Variants in DNAH10 observed in about 807,000 individuals in gnomAD.
DNAH10 encodes the protein dynein axonemal heavy chain 10, also known as axonemal beta dynein heavy chain 10.
In DNAH10, 348 loss-of-function variants were observed where a neutral mutation model predicts 506.6. The observed-to-expected ratio is 0.69, with a 90% CI of 0.63 to 0.75. DNAH10 has a LOEUF of 0.75. Among genes scored for constraint, DNAH10 ranks in the 30% least tolerant of loss-of-function variants. DNAH10 has a pLI of 0.00. For synonymous variants in DNAH10, 2,059 were observed against 2,198.6 expected (o/e 0.94, Z 1.78); for missense variants, 5,179 against 5,787.1 (o/e 0.89, Z 3.41).
intron 5 of DNAH10, among the ~76,000 whole-genome samples, chr12:123,778,277 A>G (rs1957517676): frequency 6.6e-6 from 1 of 152,174 alleles, no homozygotes; most frequent in Non-Finnish European, 1.5e-5. Context: ...GGTTATATGC[A>G]TTATGACAAC....
rs917079901 is a variant in DNAH10, at chr12:123,926,469, A to C, written c.11922-168A>C. On this transcript the variant is annotated intron_variant, in intron 68 of 78. Coordinates refer to ENST00000673944, the MANE Select transcript of DNAH10 (RefSeq NM_001372106.1). This position sits in a 1 kb window ranked among gnomAD's most constrained non-coding sequence, Gnocchi z 4.1. ...CAGGAGTTCCCCATCAGGGTGGGAG[A>C]CGTGCATAGAAACTAGAATCTAAAA... The C allele has an allele frequency of 2.1e-5, 14 of 655,588 alleles. No individual in the cohort carries two copies. Among genetic ancestry groups the C allele is most frequent in the African/African-American group, 5.5e-5 (3 of 54,086 alleles). The allele number at this position is 655,588 out of a possible 1,614,324, so 40.6% of individuals were successfully genotyped here.
rs56096831 is a variant in DNAH10, at chr12:123,845,985, G to C, written c.5645G>C (p.Arg1882Pro). The C allele has an allele frequency of 1.2e-6, 2 of 1,613,866 alleles. No individual in the cohort carries two copies. Among genetic ancestry groups the C allele is most frequent in the African/African-American group, 1.3e-5 (1 of 74,906 alleles). The stretch of plus-strand genomic sequence containing the variant: ...TTGCCGTCCAGTATCCTGGAGGCCC[G>C]AGAGTTTGACTGGGAAAGTCAGTTG... ...SFIRGSILEA[R>P]EFDWESQLRF... is the part of the protein sequence containing the mutation. The change falls in exon 32 of 79, where the codon CGA becomes CCA. Residue 1882 changes from arginine (R) to proline (P), a missense_variant. Around this residue, in one of 3 missense-constraint regions of DNAH10, gnomAD observed 4,844 missense variants for 5,430.5 expected, o/e 0.89. Transcript: ENST00000673944.
chr12:123,823,881 G>A (rs1456678779), intron 24 of DNAH10, among the ~76,000 whole-genome samples: 1 of 151,850 alleles, frequency 6.6e-6, no homozygotes, highest in African/African-American at 2.4e-5. Context: ...AGCAAAATAA[G>A]CATTTTTAAA....
At chr12:123,793,857 G>A in intron 11 of DNAH10, 85 bp from the exon 12 acceptor site, 2 of 1,053,278 alleles carry the variant, frequency 1.9e-6, no homozygotes, top group Non-Finnish European at 2.4e-6. Flanking sequence ...CCAAACCACT[G>A]ATTTTTTTTT....
chr12:123,924,910 C>A, intron 67 of DNAH10, 140 bp from the exon 68 acceptor site: 3 of 1,097,534 alleles, frequency 2.7e-6, no homozygotes, highest in Non-Finnish European at 3.9e-6. Flanking sequence ...TAGAGAATGA[C>A]AGATCTGACC....
Position 123,826,790 on chromosome 12 carries a change from G to T in DNAH10, c.4283G>T (p.Arg1428Leu). The T allele has an allele frequency of 6.2e-7, 1 of 1,613,910 alleles. No homozygotes were observed. The highest frequency in any genetic ancestry group is 8.5e-7 in the Non-Finnish European group (1 of 1,179,864). Residue 1428 changes from arginine (R) to leucine (L), a missense_variant, in exon 25 of 79, where the codon CGG (arginine) becomes CTG (leucine). By Grantham distance (102) the Arg-to-Leu change is moderately radical. This residue lies in a region of DNAH10 where 4,844 missense variants were observed against 5,430.5 expected (regional missense o/e 0.89). Transcript: ENST00000673944. ...GFLRALRKLP[R>L]PVRGLSVTYY... ...CTCAGGGCTCTCAGAAAGCTACCTC[G>T]GCCAGTCCGTGGCTTATCAGTGACC...
Position 123,909,326 on chromosome 12 carries a change from A to T in DNAH10, c.9881A>T (p.Tyr3294Phe), listed in dbSNP as rs771162789. 1.2e-6 allele frequency: 2 copies of T among 1,613,464 alleles called. No individual in the cohort carries two copies. Among genetic ancestry groups the T allele is most frequent in the Non-Finnish European group, 1.7e-6 (2 of 1,179,728 alleles). Residue 3294 changes from tyrosine (Y) to phenylalanine (F), a missense_variant, in exon 58 of 79, where the codon TAC (tyrosine) becomes TTC (phenylalanine). By Grantham distance (22) the Tyr-to-Phe change is conservative. Around this residue, in one of 3 missense-constraint regions of DNAH10, gnomAD observed 4,844 missense variants for 5,430.5 expected, o/e 0.89. Coordinates refer to ENST00000673944, the MANE Select transcript of DNAH10 (RefSeq NM_001372106.1). This position sits in a 1 kb window ranked among gnomAD's most constrained non-coding sequence, Gnocchi z 5.4. ...VCECILIMKG[Y>F]KELNWKTAKG... ...GAATGCATCCTCATCATGAAAGGGT[A>T]CAAAGAGCTGAACTGGAAAACAGCC... is the stretch of plus-strand genomic sequence containing the variant.
At position 123,787,701 on chromosome 12, in the gene DNAH10, G is replaced by A; in HGVS notation, c.1422-103G>A. On this transcript the variant is annotated intron_variant, in intron 9 of 78. Transcript: ENST00000673944. This position sits in a 1 kb window ranked among gnomAD's most constrained non-coding sequence, Gnocchi z 4.6. ...ATGAGGCCGTGAAACCAGGGGGGGC[G>A]CCCGGGTCAGAGCTTCACGGGACAC... is the stretch of plus-strand genomic sequence containing the variant. The A allele has an allele frequency of 2.9e-6, 4 of 1,389,544 alleles. No individual in the cohort carries two copies. The highest frequency in any genetic ancestry group is 3.0e-6 in the Non-Finnish European group (3 of 1,012,792). 86.1% of individuals were successfully genotyped at this position (1,389,544 alleles called of 1,614,324 possible).
chr12:123,783,387 A>G, intron 7 of DNAH10, 123 bp downstream of exon 7: 1 of 1,198,738 alleles, frequency 8.3e-7, no homozygotes, highest in East Asian at 2.5e-5. Context: ...GACTTCCTTA[A>G]GCCATCAAAA....
In DNAH10 at chr12:123,909,347, C is replaced by T. The variant is rs763415273; in HGVS notation, c.9902C>T (p.Thr3301Ile). Residue 3301 changes from threonine to isoleucine, a missense_variant, in exon 58 of 79, where the codon ACA becomes ATA. This residue lies in a region of DNAH10 where 4,844 missense variants were observed against 5,430.5 expected (regional missense o/e 0.89). Transcript: ENST00000673944. The surrounding 1 kb of genome is among the most constrained non-coding windows in gnomAD (Gnocchi z 5.4). ...MKGYKELNWK[T>I]AKGVMSDPNF... ...GGGTACAAAGAGCTGAACTGGAAAA[C>T]AGCCAAGGGCGTGATGTCCGACCCG... is the stretch of plus-strand genomic sequence containing the variant. 6.2e-7 allele frequency: 1 copy of T among 1,612,836 alleles called. No individual in the cohort carries two copies. Among genetic ancestry groups the T allele is most frequent in the Non-Finnish European group, 8.5e-7 (1 of 1,179,456 alleles).
rs1005661083 is a variant in DNAH10, at chr12:123,853,853, C to T, written c.6438+501C>T. On this transcript the variant is annotated intron_variant, in intron 36 of 78. Transcript: ENST00000673944. This position sits in a 1 kb window ranked among gnomAD's most constrained non-coding sequence, Gnocchi z 4.7. ...ACACACACGCACACGCACGGACACA[C>T]GCACGCGCACACACACACGGATACA... 3.0e-5 allele frequency among the ~76,000 whole-genome samples: 4 copies of T among 134,632 alleles called. No individual in the cohort carries two copies. Among genetic ancestry groups the T allele is most frequent in the African/African-American group, 5.3e-5 (2 of 37,876 alleles). 88.3% of individuals were successfully genotyped at this position (134,632 alleles called of 152,430 possible).
At chr12:123,912,786 T>C (rs1954286998) in intron 59 of DNAH10, among the ~76,000 whole-genome samples, 1 of 152,228 alleles carries the variant, frequency 6.6e-6, no homozygotes, top group Non-Finnish European at 1.5e-5. Flanking sequence ...ATAGAAATAC[T>C]GTTACTGTCT....
intron 16 of DNAH10, among the ~76,000 whole-genome samples, chr12:123,802,280 G>A (rs190013652): frequency 3.8e-4 from 58 of 152,282 alleles, no homozygotes; most frequent in Admixed American, 1.4e-3. Context: ...TGAGTTGCAC[G>A]GTAGTTGCAT....
At position 123,846,087 on chromosome 12, in the gene DNAH10, A is replaced by C; in HGVS notation, c.5747A>C (p.Tyr1916Ser). ...CTGTFGYGYE[Y>S]MGLNGRLVIT... ...GGAACCTTTGGCTACGGCTACGAGT[A>C]CATGGGCCTGAACGGCAGGCTGGTC... Residue 1916 changes from tyrosine to serine, a missense_variant, in exon 32 of 79, where the codon TAC becomes TCC. Tyr to Ser is a moderately radical substitution (Grantham distance 144). Around this residue, in one of 3 missense-constraint regions of DNAH10, gnomAD observed 4,844 missense variants for 5,430.5 expected, o/e 0.89. Transcript: ENST00000673944. This position sits in a 1 kb window ranked among gnomAD's most constrained non-coding sequence, Gnocchi z 4.5. 2 of 1,614,006 alleles carry C rather than the reference A, an allele frequency of 1.2e-6. No individual in the cohort carries two copies. The highest frequency in any genetic ancestry group is 1.7e-6 in the Non-Finnish European group (2 of 1,179,896).
At chr12:123,878,719 A>T (rs943922101) in intron 48 of DNAH10, among the ~76,000 whole-genome samples, 2 of 152,162 alleles carry the variant, frequency 1.3e-5, no homozygotes, top group African/African-American at 4.8e-5. Flanking sequence ...CAGCATAGTG[A>T]GACTCCATCT....
rs780715968 is a variant in DNAH10, at chr12:123,850,878, T to TCAAACTGGAGG, written c.6103-10_6103-9insCAAACTGGAGG. On this transcript the variant is annotated splice_polypyrimidine_tract_variant and intron_variant, in intron 34 of 78. Transcript: ENST00000673944. This position sits in a 1 kb window ranked among gnomAD's most constrained non-coding sequence, Gnocchi z 5.5. ...AACTGCTTCTTTCTTTCTTCCTTCT[T>TCAAACTGGAGG]GCCCTCCAGTTTGAAGGGCAGGAGA... 4 of 1,600,480 alleles carry TCAAACTGGAGG rather than the reference T, an allele frequency of 2.5e-6. No individual in the cohort carries two copies. Among genetic ancestry groups the TCAAACTGGAGG allele is most frequent in the Non-Finnish European group, 1.7e-6 (2 of 1,171,078 alleles).
At chr12:123,835,671 C>A in intron 28 of DNAH10, 143 bp downstream of exon 28, 1 of 1,267,332 alleles carries the variant, frequency 7.9e-7, no homozygotes, top group Non-Finnish European at 1.1e-6. Flanking sequence ...GTTGCCCAGG[C>A]TGGAGTGCAG....
rs767520775 is a variant in DNAH10, at chr12:123,830,544, A to G, written c.4392-2A>G. On this transcript the variant is annotated splice_acceptor_variant, in intron 25 of 78. Transcript: ENST00000673944. LOFTEE classifies it high-confidence loss of function. ...AAGATTTGAATGCTGATGTGCTTTC[A>G]GGCATTGGAAAGAACTTATGGAAAA... 6.2e-7 allele frequency: 1 copy of G among 1,612,348 alleles called. No individual in the cohort carries two copies. The highest frequency in any genetic ancestry group is 2.2e-5 in the East Asian group (1 of 44,828).
At position 123,833,200 on chromosome 12, in the gene DNAH10, C is replaced by T; in HGVS notation, c.4632C>T (p.Ile1544=). ...AAGGCACACAGGAGCGAGGCTACATCCTGGGTTCTGTTGACGAAATTATTC... is the reference window on the plus strand; with the variant it reads ...AAGGCACACAGGAGCGAGGCTACATTCTGGGTTCTGTTGACGAAATTATTC... ...YCKGTQERGY[I]LGSVDEIIQS... The change falls in exon 27 of 79, where the codon ATC becomes ATT. Residue 1544 remains isoleucine, a synonymous_variant. Coordinates refer to ENST00000673944, the MANE Select transcript of DNAH10 (RefSeq NM_001372106.1). The T allele has an allele frequency of 1.9e-6, 3 of 1,613,872 alleles. No individual in the cohort carries two copies. Among genetic ancestry groups the T allele is most frequent in the East Asian group, 2.2e-5 (1 of 44,882 alleles).
Sources: allele counts gnomAD v4.1 joint callset (sites outside exome capture counted in the v4.1 genomes callset), GRCh38; gene constraint gnomAD v4.1.1; regional missense constraint gnomAD v4.1.1; non-coding constraint Gnocchi (gnomAD v3.1); transcripts MANE v1.5; gene names NCBI Gene and HGNC (gene_info 2026-07-23, HGNC 2026-07-21).